Variants in NLGN1 observed in about 807,000 individuals in gnomAD.
NLGN1 encodes neuroligin 1.
In NLGN1, 12 loss-of-function variants were observed where a neutral mutation model predicts 65.5. That is an observed-to-expected ratio of 0.18 (90% CI 0.12 to 0.30). The LOEUF (loss-of-function observed/expected upper bound fraction) is 0.30. Ranked by LOEUF, NLGN1 falls within the 10% of genes least tolerant of loss-of-function variation. The probability of loss-of-function intolerance (pLI) is 1.00; values close to 1 mark genes in which losing one functional copy is unlikely to be tolerated. For synonymous variants in NLGN1, 350 were observed against 359.5 expected (o/e 0.97, Z 0.30); for missense variants, 750 against 1,007.1 (o/e 0.74, Z 3.46).
At position 173,627,043 on chromosome 3, in the gene NLGN1, C is replaced by T. The variant is rs372956199; in HGVS notation, c.493+21952C>T. ...ATAAGACTGGCTCATAAGTAAACTA[C>T]GTCCTCAAAAGTGATATAATTTTTC... On this transcript the variant is annotated intron_variant, in intron 3 of 6. Coordinates refer to ENST00000457714, the Ensembl canonical transcript of NLGN1. Among the ~76,000 whole-genome samples the T allele has an allele frequency of 1.8e-4, 28 of 152,176 alleles. 1 individual carries two copies. The South Asian group carries it at 3.5e-3, about 19-fold the overall frequency.
chr3:173,898,031 CAA>C (rs146685453), intron 4 of NLGN1, among the ~76,000 whole-genome samples: 1 of 150,780 alleles, frequency 6.6e-6, no homozygotes, highest in Non-Finnish European at 1.5e-5. Flanking sequence ...GATTCAATAG[CAA>C]AAAAAAATCC....
chr3:173,444,804 G>T (rs1417390904), intron 2 of NLGN1, among the ~76,000 whole-genome samples: 1 of 151,896 alleles, frequency 6.6e-6, no homozygotes, highest in African/African-American at 2.4e-5. Flanking sequence ...AAATATAAAT[G>T]TGGATAGATA....
At chr3:173,461,847 T>C (rs751850028) in intron 2 of NLGN1, among the ~76,000 whole-genome samples, 1 of 152,180 alleles carries the variant, frequency 6.6e-6, no homozygotes, top group African/African-American at 2.4e-5. Context: ...GTTAAATGTC[T>C]TACTACTTAG....
intron 4 of NLGN1, among the ~76,000 whole-genome samples, chr3:174,087,061 G>A (rs577163096): frequency 6.6e-6 from 1 of 152,236 alleles, no homozygotes; most frequent in African/African-American, 2.4e-5. Context: ...ATAAGTGGGA[G>A]CTAAACAATG....
chr3:173,743,097 G>C (rs555069771), intron 3 of NLGN1, among the ~76,000 whole-genome samples: 1 of 152,074 alleles, frequency 6.6e-6, no homozygotes, highest in Non-Finnish European at 1.5e-5. Context: ...AACTTGCATG[G>C]AACAGCTATT....
intron 4 of NLGN1, among the ~76,000 whole-genome samples, chr3:174,259,276 A>T (rs1316832482): frequency 6.6e-6 from 1 of 152,040 alleles, no homozygotes; most frequent in Non-Finnish European, 1.5e-5. Flanking sequence ...GGAATTAAAG[A>T]CCATAGCATC....
At chr3:173,781,221 T>G (rs1315027837) in intron 3 of NLGN1, among the ~76,000 whole-genome samples, 1 of 151,788 alleles carries the variant, frequency 6.6e-6, no homozygotes, top group Non-Finnish European at 1.5e-5. Flanking sequence ...TGTCACATAC[T>G]GTACTCATAC....
chr3:173,645,737 G>A (rs1452060746), intron 3 of NLGN1, among the ~76,000 whole-genome samples: 1 of 152,194 alleles, frequency 6.6e-6, no homozygotes, highest in Non-Finnish European at 1.5e-5. Context: ...CAGTATTAGA[G>A]ACTCATGGAG....
In NLGN1 at chr3:173,858,463, T is replaced by C. The variant is rs13314210; in HGVS notation, c.646+50631T>C. On this transcript the variant is annotated intron_variant, in intron 4 of 6. Transcript: ENST00000457714. Reference sequence around the variant, plus strand: ...AATTATAATCCAGTAATCAAGCCTATGTAGGTTCTGGGTAAAATGCTAAGA... The same window carrying C: ...AATTATAATCCAGTAATCAAGCCTACGTAGGTTCTGGGTAAAATGCTAAGA... Among the ~76,000 whole-genome samples, 353 of 152,166 alleles carry C rather than the reference T, an allele frequency of 2.3e-3. 1 individual carries two copies. Among genetic ancestry groups the C allele is most frequent in the African/African-American group, 8.2e-3 (340 of 41,554 alleles).
At chr3:174,047,144 T>C (rs189490380) in intron 4 of NLGN1, among the ~76,000 whole-genome samples, 13 of 152,124 alleles carry the variant, frequency 8.5e-5, no homozygotes, top group African/African-American at 3.1e-4. Context: ...TAAATATTAG[T>C]ATTTATTTGA....
chr3:173,697,620 C>T (rs567641136), intron 3 of NLGN1, among the ~76,000 whole-genome samples: 29 of 151,972 alleles, frequency 1.9e-4, no homozygotes, highest in Non-Finnish European at 2.6e-4. Flanking sequence ...CTCTGCCTCC[C>T]GGGTTCAAGT....
At chr3:174,121,775 G>A (rs1015873116) in intron 4 of NLGN1, among the ~76,000 whole-genome samples, 3 of 152,112 alleles carry the variant, frequency 2.0e-5, no homozygotes, top group African/African-American at 2.4e-5. Context: ...ATATTAAAGC[G>A]TTCATCATTT....
At chr3:173,624,836 A>G (rs1476782009) in intron 3 of NLGN1, among the ~76,000 whole-genome samples, 1 of 63,314 alleles carries the variant, frequency 1.6e-5, no homozygotes, top group Non-Finnish European at 3.9e-5. Flanking sequence ...ACGATTTATA[A>G]TTGTTTTTTT....
At chr3:174,272,673 A>G (rs868633410) in intron 4 of NLGN1, among the ~76,000 whole-genome samples, 2 of 134,250 alleles carry the variant, frequency 1.5e-5, no homozygotes, top group African/African-American at 2.6e-5. Context: ...ATGGATAGAT[A>G]GATAGATAGA....
At chr3:174,205,672 A>G (rs1261892509) in intron 4 of NLGN1, among the ~76,000 whole-genome samples, 1 of 152,170 alleles carries the variant, frequency 6.6e-6, no homozygotes, top group Non-Finnish European at 1.5e-5. Context: ...TATGTCCCTT[A>G]TCTAATTTCT....
chr3:174,232,540 T>A (rs1740919362), intron 4 of NLGN1, among the ~76,000 whole-genome samples: 1 of 152,210 alleles, frequency 6.6e-6, no homozygotes, highest in East Asian at 1.9e-4. Flanking sequence ...CATGTATACA[T>A]GGGACCCTTC....
At chr3:173,405,263 T>C (rs181689863) in intron 1 of NLGN1, among the ~76,000 whole-genome samples, 39 of 152,220 alleles carry the variant, frequency 2.6e-4, no homozygotes, top group African/African-American at 8.2e-4. Flanking sequence ...TACTAGAATG[T>C]GACAATGGAA....
intron 4 of NLGN1, among the ~76,000 whole-genome samples, chr3:174,012,242 G>T (rs975732289): frequency 5.3e-5 from 8 of 152,142 alleles, no homozygotes; most frequent in Non-Finnish European, 1.0e-4. Flanking sequence ...CTCAGGAAGT[G>T]CTAAGTTCAC....
chr3:173,727,585 A>T (rs1221507483), intron 3 of NLGN1, among the ~76,000 whole-genome samples: 2 of 152,176 alleles, frequency 1.3e-5, no homozygotes, highest in East Asian at 3.9e-4. Flanking sequence ...TTTGGTTGGA[A>T]TTCACTCTAG....
Sources: gnomAD v4.1 joint callset for allele counts (sites outside exome capture counted in the v4.1 genomes callset) on GRCh38, gnomAD v4.1.1 for gene constraint, MANE v1.5 for transcripts, NCBI Gene and HGNC (gene_info 2026-07-23, HGNC 2026-07-21) for gene names.